The following CADM2 variants were observed in gnomAD, a reference collection of about 807,000 sequenced individuals.
CADM2 encodes cell adhesion molecule 2, also known as immunoglobulin superfamily member 4D.
A neutral mutation model predicts 49.8 loss-of-function variants in CADM2; 12 were observed. That is an observed-to-expected ratio of 0.24 (90% CI 0.15 to 0.39). The LOEUF is 0.39. Ranked by LOEUF, CADM2 falls within the 10% of genes least tolerant of loss-of-function variation. CADM2 has a pLI of 1.00. For synonymous variants in CADM2, 214 were observed against 175.4 expected (o/e 1.22, Z -1.74); for missense variants, 378 against 492.3 (o/e 0.77, Z 2.20).
intron 1 of CADM2, among the ~76,000 whole-genome samples, chr3:85,541,726 ATATAT>A (rs2061543772): frequency 7.6e-6 from 1 of 131,132 alleles, no homozygotes; most frequent in African/African-American, 3.0e-5. Context: ...TATTATATAT[ATATAT>A]TTTATATATA....
chr3:85,507,555 A>T (rs1407788005), intron 1 of CADM2, among the ~76,000 whole-genome samples: 2 of 152,182 alleles, frequency 1.3e-5, no homozygotes, highest in African/African-American at 2.4e-5. Flanking sequence ...TCCAAACATT[A>T]TTTGAAATCC....
chr3:85,514,316 CA>C (rs1185529601), intron 1 of CADM2, among the ~76,000 whole-genome samples: 1 of 151,908 alleles, frequency 6.6e-6, no homozygotes, highest in East Asian at 1.9e-4. Context: ...TAATATGCCT[CA>C]AAACAATAAA....
chr3:85,509,117 C>T lies in CADM2; in HGVS notation c.62-217405C>T, dbSNP rs140230221. Among the ~76,000 whole-genome samples the T allele has an allele frequency of 4.9e-4, 75 of 152,112 alleles. No homozygotes were observed. The East Asian group carries it at 0.01, about 21-fold the overall frequency. ...GAACTAGAGTTCAAGAGCTATGGGACGCTAACCAAATCTCTAGACTTTACT... is the reference window on the plus strand; with the variant it reads ...GAACTAGAGTTCAAGAGCTATGGGATGCTAACCAAATCTCTAGACTTTACT... On this transcript the variant is annotated intron_variant, in intron 1 of 9. Transcript: ENST00000383699.
intron 1 of CADM2, among the ~76,000 whole-genome samples, chr3:85,465,248 G>C (rs2038440114): frequency 6.6e-6 from 1 of 152,140 alleles, no homozygotes; most frequent in Non-Finnish European, 1.5e-5. Flanking sequence ...AAGCAAATCA[G>C]ATCTTGTCGC....
chr3:85,291,953 G>T (rs1482682523), intron 1 of CADM2, among the ~76,000 whole-genome samples: 9 of 151,950 alleles, frequency 5.9e-5, no homozygotes, highest in Admixed American at 5.2e-4. Context: ...ACCTTTAAAT[G>T]TAAATGGACT....
At chr3:86,005,784 T>A (rs939700065) in intron 8 of CADM2, among the ~76,000 whole-genome samples, 2 of 152,136 alleles carry the variant, frequency 1.3e-5, no homozygotes, top group Non-Finnish European at 2.9e-5. Flanking sequence ...TAGTAGGTCT[T>A]TGTGCTGTCA....
chr3:85,306,861 T>A (rs535027115), intron 1 of CADM2, among the ~76,000 whole-genome samples: 39 of 151,868 alleles, frequency 2.6e-4, no homozygotes, highest in Admixed American at 9.9e-4. Context: ...AAACCTTAAA[T>A]GCAGCTTAAT....
At chr3:85,992,557 A>T (rs1728908410) in intron 8 of CADM2, 1 of 152,176 alleles carries the variant, frequency 6.6e-6, no homozygotes, top group East Asian at 1.9e-4. Flanking sequence ...GTTCCAGATC[A>T]CCGCAATAAA....
chr3:85,850,820 A>G (rs2075079604), intron 3 of CADM2, among the ~76,000 whole-genome samples: 2 of 152,170 alleles, frequency 1.3e-5, no homozygotes, highest in Admixed American at 6.5e-5. Context: ...GTGAAAGCAA[A>G]GATTTCTTCC....
intron 1 of CADM2, among the ~76,000 whole-genome samples, chr3:85,290,253 C>G (rs1013957231): frequency 6.6e-6 from 1 of 152,158 alleles, no homozygotes; most frequent in South Asian, 2.1e-4. Context: ...TGGCGCACCA[C>G]GAGATTATAT....
At position 85,500,872 on chromosome 3, in the gene CADM2, C is replaced by G. The variant is rs115658929; in HGVS notation, c.62-225650C>G. Among the ~76,000 whole-genome samples the G allele has an allele frequency of 1.0e-2, 1,520 of 152,044 alleles. 22 individuals are homozygous for G. Among genetic ancestry groups the G allele is most frequent in the African/African-American group, 0.033 (1,383 of 41,398 alleles). On this transcript the variant is annotated intron_variant, in intron 1 of 9. Coordinates refer to ENST00000383699, the MANE Select transcript of CADM2 (RefSeq NM_001167675.2). ...TATTGTTGAGATTATGTTTGCCATG[C>G]AGTCACTGAAATTTCTCAAGGTCTT...
At chr3:84,968,865 C>A (rs1446425061) in intron 1 of CADM2, among the ~76,000 whole-genome samples, 3 of 152,066 alleles carry the variant, frequency 2.0e-5, no homozygotes, top group Non-Finnish European at 4.4e-5. Flanking sequence ...GTATTAATTG[C>A]CTGCAATCTT....
chr3:85,930,748 G>T (rs1377565041), intron 6 of CADM2, among the ~76,000 whole-genome samples: 1 of 151,868 alleles, frequency 6.6e-6, no homozygotes, highest in Non-Finnish European at 1.5e-5. Flanking sequence ...AAAACAAAAT[G>T]ATCTCCAGTT....
At chr3:85,628,643 A>C (rs5023755) in intron 1 of CADM2, among the ~76,000 whole-genome samples, 1 of 146,950 alleles carries the variant, frequency 6.8e-6, no homozygotes, top group Non-Finnish European at 1.5e-5. Flanking sequence ...ATATACATAT[A>C]TACACACACA....
intron 1 of CADM2, among the ~76,000 whole-genome samples, chr3:85,057,988 G>A (rs1270584139): frequency 6.6e-6 from 1 of 152,118 alleles, no homozygotes; most frequent in Non-Finnish European, 1.5e-5. Context: ...TTTTTCAAAA[G>A]CCTTGTCACT....
chr3:85,749,436 TC>T (rs1398922211), intron 2 of CADM2, among the ~76,000 whole-genome samples: 1 of 152,002 alleles, frequency 6.6e-6, no homozygotes, highest in Non-Finnish European at 1.5e-5. Flanking sequence ...ACCCATTTTT[TC>T]CTACTTATCA....
At chr3:85,506,176 G>A (rs553116781) in intron 1 of CADM2, among the ~76,000 whole-genome samples, 2 of 152,298 alleles carry the variant, frequency 1.3e-5, no homozygotes, top group East Asian at 1.9e-4. Context: ...CAGGTAAATT[G>A]TGGAGATAAG....
At chr3:85,666,397 C>T (rs773168277) in intron 1 of CADM2, among the ~76,000 whole-genome samples, 4 of 151,920 alleles carry the variant, frequency 2.6e-5, no homozygotes, top group Non-Finnish European at 4.4e-5. Context: ...AGACATGCTA[C>T]CTAGCTATAA....
At chr3:86,013,172 C>T (rs563489491) in intron 8 of CADM2, 10 of 1,358,776 alleles carry the variant, frequency 7.4e-6, no homozygotes, top group East Asian at 2.3e-5. Context: ...TGAGTGAAGA[C>T]GAAATCAGGA....
Sources: allele counts gnomAD v4.1 joint callset (sites outside exome capture counted in the v4.1 genomes callset), GRCh38; gene constraint gnomAD v4.1.1; transcripts MANE v1.5; gene names NCBI Gene and HGNC (gene_info 2026-07-23, HGNC 2026-07-21).